The following CENPI variants were observed in gnomAD, a reference collection of about 807,000 sequenced individuals.
CENPI encodes centromere protein I, also known as FSH primary response 1.
A neutral mutation model predicts 60.4 loss-of-function variants in CENPI; 4 were observed. The observed-to-expected ratio is 0.07, with a 90% confidence interval of 0.03 to 0.15. The LOEUF (loss-of-function observed/expected upper bound fraction) is 0.15. Ranked by LOEUF, CENPI falls within the 10% of genes least tolerant of loss-of-function variation. The pLI is 1.00. For missense variants in CENPI, 444 were observed against 534.5 expected (o/e 0.83, Z 1.67); for synonymous variants, 157 against 189.4 (o/e 0.83, Z 1.40).
At chrX:101,114,369 A>G (rs1180248248) in intron 6 of CENPI, among the ~76,000 whole-genome samples, 1 of 112,092 alleles carries the variant, frequency 8.9e-6, no homozygotes, top group African/African-American at 3.2e-5. Flanking sequence ...AAGTATAGTC[A>G]CAGATATGTA....
At chrX:101,138,671 G>T (rs1448499255) in intron 15 of CENPI, among the ~76,000 whole-genome samples, 7 of 108,460 alleles carry the variant, frequency 6.5e-5, no homozygotes, top group African/African-American at 2.4e-4. Flanking sequence ...TGTTGCTCAG[G>T]CTGGTGTGCA....
chrX:101,138,378 G>T (rs773336441), intron 15 of CENPI, among the ~76,000 whole-genome samples: 1 of 105,999 alleles, frequency 9.4e-6, no homozygotes, highest in Non-Finnish European at 1.9e-5. Context: ...TCACTCTGTC[G>T]CCAGGATGGA....
At chrX:101,181,561 A>G in the CENPI span, among the ~76,000 whole-genome samples, 9 of 112,455 alleles carry the variant, frequency 8.0e-5, no homozygotes, top group East Asian at 2.5e-3. Flanking sequence ...GCTATTACAG[A>G]TGAAATATTT....
At position 101,147,771 on chromosome X, in the gene CENPI, A is replaced by G; in HGVS notation, c.1835A>G (p.Lys612Arg). ...QLCFIMHRYR[K>R]NLTAAKKNEL... ...TTTGTTTTTTCTGTTAGATATCGTA[A>G]AAATTTGACTGCCGCAAAGAAAAAT... Residue 612 changes from lysine to arginine, a missense_variant, in exon 19 of 22, where the codon AAA (lysine) becomes AGA (arginine). Transcript: ENST00000682095. 8.3e-7 allele frequency: 1 copy of G among 1,204,774 alleles called. No homozygotes were observed. Among genetic ancestry groups the G allele is most frequent in the Non-Finnish European group, 1.1e-6 (1 of 890,285 alleles).
At chrX:101,171,352 C>A in the CENPI span, among the ~76,000 whole-genome samples, 1 of 111,056 alleles carries the variant, frequency 9.0e-6, no homozygotes, top group Non-Finnish European at 1.9e-5. Context: ...GGTACTGTGA[C>A]AATAGAATCC....
chrX:101,156,823 C>T (rs951367247), intron 20 of CENPI, among the ~76,000 whole-genome samples: 4 of 109,889 alleles, frequency 3.6e-5, no homozygotes, highest in African/African-American at 9.9e-5. Context: ...CTGCAAATGC[C>T]ATTAATTCAT....
Position 101,102,917 on chromosome X carries a change from C to T in CENPI, c.364+506C>T, listed in dbSNP as rs187793621. ...GTGTTAGCCAAGATGGTCTCCATCT[C>T]CTGACCTCGTGATCCGCCTGCCTCG... is the stretch of plus-strand genomic sequence containing the variant. On this transcript the variant is annotated intron_variant, in intron 4 of 21. Transcript: ENST00000682095. Among the ~76,000 whole-genome samples the T allele has an allele frequency of 6.6e-3, 669 of 101,380 alleles. 6 individuals are homozygous for T. The highest frequency in any genetic ancestry group is 0.024 in the African/African-American group (648 of 27,015). The allele number at this position is 101,380 out of a possible 115,157, so 88.0% of individuals were successfully genotyped here.
At chrX:101,154,220 A>G (rs1051201862) in intron 20 of CENPI, among the ~76,000 whole-genome samples, 3 of 111,687 alleles carry the variant, frequency 2.7e-5, no homozygotes, top group Admixed American at 1.9e-4. Context: ...TGTTTTGGCT[A>G]TTGTTGGTTC....
Position 101,140,774 on chromosome X carries a change from C to T in CENPI, c.1565+14C>T, listed in dbSNP as rs373441959. ...AAACAGTCCTCTGTGAGTTATCTAA[C>T]GGTCTTCCACAAGAGACGATCTGTA... is the stretch of plus-strand genomic sequence containing the variant. On this transcript the variant is annotated intron_variant, in intron 16 of 21. Coordinates refer to ENST00000682095, the MANE Select transcript of CENPI (RefSeq NM_001386188.2). 104 of 1,070,944 alleles carry T rather than the reference C, an allele frequency of 9.7e-5. 1 individual carries two copies. The highest frequency in any genetic ancestry group is 1.3e-4 in the Non-Finnish European group (98 of 769,169). The allele number at this position is 1,070,944 out of a possible 1,213,427, so 88.3% of individuals were successfully genotyped here. A position where few individuals can be genotyped will look rare whatever the true frequency, so the allele number is the denominator to read the frequency against.
chrX:101,108,821 T>C (rs1256217040), intron 4 of CENPI, among the ~76,000 whole-genome samples: 3 of 108,735 alleles, frequency 2.8e-5, no homozygotes, highest in African/African-American at 6.7e-5. Flanking sequence ...AATTTTTGTA[T>C]TTTTAGTAGA....
intron 20 of CENPI, among the ~76,000 whole-genome samples, chrX:101,161,142 G>A (rs746524250): frequency 3.9e-4 from 44 of 111,935 alleles, no homozygotes; most frequent in African/African-American, 1.4e-3. Context: ...TGTTAAAAAG[G>A]CATTGTGTTA....
At position 101,127,663 on chromosome X, in the gene CENPI, G is replaced by A; in HGVS notation, c.1072G>A (p.Glu358Lys). ...ACTTTTACAGAACATCCATTGCTTA[G>A]AGGTATGTGACTGGACCATGTGCTT... is the stretch of plus-strand genomic sequence containing the variant. ...PQLLQNIHCL[E>K]LPSQMGSVLN... The change falls in exon 11 of 22, where the codon GAG becomes AAG. Residue 358 changes from glutamate (E) to lysine (K), a missense_variant and splice_region_variant. Transcript: ENST00000682095. 8.7e-7 allele frequency: 1 copy of A among 1,151,618 alleles called. No homozygotes were observed. Among genetic ancestry groups the A allele is most frequent in the East Asian group, 3.1e-5 (1 of 32,697 alleles). The allele number at this position is 1,151,618 out of a possible 1,213,427, so 94.9% of individuals were successfully genotyped here.
intron 20 of CENPI, among the ~76,000 whole-genome samples, chrX:101,150,996 G>A (rs1211041798): frequency 9.0e-6 from 1 of 111,083 alleles, no homozygotes; most frequent in Non-Finnish European, 1.9e-5. Context: ...CTTTGACGAT[G>A]TGCTGGATAC....
In CENPI at chrX:101,132,470, G is replaced by T. The variant is rs770399270; in HGVS notation, c.1470+14G>T. 3 of 1,175,109 alleles carry T rather than the reference G, an allele frequency of 2.6e-6. No individual in the cohort carries two copies. The highest frequency in any genetic ancestry group is 4.4e-5 in the Admixed American group (2 of 45,399). ...ATTTATTTCAAGGTAACAAAAACTT[G>T]TCTTGCTTAGATTCAATAGGATGTA... On this transcript the variant is annotated intron_variant, in intron 15 of 21. Transcript: ENST00000682095.
downstream of CENPI, among the ~76,000 whole-genome samples, chrX:101,167,313 G>A (rs1203476150): frequency 9.0e-6 from 1 of 111,624 alleles, no homozygotes; most frequent in Non-Finnish European, 1.9e-5. Flanking sequence ...GACATCCTGG[G>A]CATTTATGAG....
At chrX:101,157,649 C>CAAA (rs11337861) in intron 20 of CENPI, among the ~76,000 whole-genome samples, 1 of 49,118 alleles carries the variant, frequency 2.0e-5, no homozygotes, top group African/African-American at 7.7e-5. Flanking sequence ...GACCTTGTCT[C>CAAA]AAAAAAAAAA....
chrX:101,158,921 A>T (rs1434205549), intron 20 of CENPI, among the ~76,000 whole-genome samples: 2 of 111,277 alleles, frequency 1.8e-5, no homozygotes, highest in African/African-American at 6.5e-5. Flanking sequence ...ATGAGCCACC[A>T]TGCCTGGCCA....
chrX:101,132,494 T>A, intron 15 of CENPI, 38 bp downstream of exon 15: 1 of 1,027,308 alleles, frequency 9.7e-7, no homozygotes, highest in Non-Finnish European at 1.4e-6. Context: ...CAATAGGATG[T>A]ATTATTCTAT....
intron 20 of CENPI, among the ~76,000 whole-genome samples, chrX:101,157,016 T>C (rs1170917637): frequency 2.7e-5 from 3 of 111,538 alleles, no homozygotes; most frequent in African/African-American, 9.8e-5. Context: ...TGGGTAGATA[T>C]CCAGTAGTGG....
Sources: allele counts gnomAD v4.1 joint callset (sites outside exome capture counted in the v4.1 genomes callset), GRCh38; gene constraint gnomAD v4.1.1; transcripts MANE v1.5; gene names NCBI Gene and HGNC (gene_info 2026-07-23, HGNC 2026-07-21).